HERC2: variants seen among roughly 807,000 people sequenced by gnomAD.
The protein encoded by HERC2 is E3 ubiquitin-protein ligase HERC2.
A neutral mutation model predicts 537.7 loss-of-function variants in HERC2; 102 were observed. The ratio of observed to expected loss-of-function variants is 0.19; its 90% CI spans 0.16 to 0.22. The LOEUF (loss-of-function observed/expected upper bound fraction) is 0.22. Ranked by LOEUF, HERC2 falls within the 10% of genes least tolerant of loss-of-function variation. The probability of loss-of-function intolerance (pLI) is 1.00; values close to 1 mark genes in which losing one functional copy is unlikely to be tolerated. For missense variants in HERC2, 4,236 were observed against 6,198.2 expected (o/e 0.68, Z 10.63); for synonymous variants, 2,224 against 2,466.2 (o/e 0.90, Z 2.91).
chr15:28,303,588 T>C (rs1231347536), intron 2 of HERC2, among the ~76,000 whole-genome samples: 1 of 152,180 alleles, frequency 6.6e-6, no homozygotes, highest in Admixed American at 6.5e-5. Context: ...CTGTGAAGAA[T>C]GTCATTGGTA....
chr15:28,298,195 C>T (rs202137397), intron 3 of HERC2, among the ~76,000 whole-genome samples: 2,187 of 123,386 alleles, frequency 0.018, no homozygotes, highest in Non-Finnish European at 0.025. Flanking sequence ...ACTCTGTCAC[C>T]CAGGCTGGAG....
In HERC2 at chr15:28,142,322, G is replaced by T; in HGVS notation, c.11616C>A (p.Ala3872=). 6.2e-7 allele frequency: 1 copy of T among 1,614,196 alleles called. No homozygotes were observed. Among genetic ancestry groups the T allele is most frequent in the South Asian group, 1.1e-5 (1 of 91,078 alleles). Residue 3872 remains alanine, a synonymous_variant, in exon 76 of 93, where the codon GCC becomes GCA. Transcript: ENST00000261609. The part of the protein sequence containing the change: ...LPCCAETHKW[A]WFRRYCMASR... The stretch of plus-strand genomic sequence containing the variant: ...AGGCCATGCAGTACCTCCGGAACCA[G>T]GCCCACTTGTGCGTCTCGGCACAGC...
chr15:28,129,399 G>A (rs1410128075), intron 83 of HERC2, among the ~76,000 whole-genome samples: 1 of 152,200 alleles, frequency 6.6e-6, no homozygotes, highest in Admixed American at 6.5e-5. Flanking sequence ...AGAGACTCCA[G>A]GCCCAGGGTT....
At chr15:28,301,757 A>ATATGTATGTG (rs1567140215) in intron 2 of HERC2, among the ~76,000 whole-genome samples, 1 of 115,990 alleles carries the variant, frequency 8.6e-6, no homozygotes, top group African/African-American at 3.6e-5. Flanking sequence ...ATATATATAT[A>ATATGTATGTG]TATATATATA....
intron 83 of HERC2, among the ~76,000 whole-genome samples, chr15:28,128,913 G>A (rs912970109): frequency 2.6e-5 from 4 of 152,114 alleles, no homozygotes; most frequent in Non-Finnish European, 4.4e-5. Flanking sequence ...GTTCCTCCAC[G>A]AAAGCCAGCA....
chr15:28,317,015 T>TCC (rs1318493922), intron 2 of HERC2, among the ~76,000 whole-genome samples: 5 of 152,178 alleles, frequency 3.3e-5, no homozygotes, highest in Admixed American at 2.6e-4. Context: ...GACCTCAGCC[T>TCC]CCCAAACTGC....
At chr15:28,270,996 T>C (rs1274083565) in intron 9 of HERC2, 128 bp from the exon 10 acceptor site, 5 of 715,590 alleles carry the variant, frequency 7.0e-6, no homozygotes, top group South Asian at 3.6e-5. Context: ...ATGTCAATGA[T>C]ACAGTTATAC....
At chr15:28,159,334 T>C (rs946173092) in intron 69 of HERC2, among the ~76,000 whole-genome samples, 6 of 152,356 alleles carry the variant, frequency 3.9e-5, no homozygotes, top group Middle Eastern at 3.4e-3. Context: ...CAGAGTGTTT[T>C]CCAACTTGGT....
intron 20 of HERC2, among the ~76,000 whole-genome samples, chr15:28,249,253 C>A (rs1904028487): frequency 6.6e-6 from 1 of 152,186 alleles, no homozygotes; most frequent in Non-Finnish European, 1.5e-5. Flanking sequence ...CCACCTTGAG[C>A]CCTTACTCGC....
At chr15:28,146,464 CCTCA>C in intron 70 of HERC2, 120 bp from the exon 71 acceptor site, 1 of 691,086 alleles carries the variant, frequency 1.4e-6, no homozygotes. Context: ...AAAGAACTGG[CCTCA>C]AAGACAAGCA....
chr15:28,304,733 A>C (rs1348261503), intron 2 of HERC2, among the ~76,000 whole-genome samples: 1 of 114,378 alleles, frequency 8.7e-6, no homozygotes. Context: ...TTTATACTTT[A>C]AGTTTTAGGG....
At chr15:28,129,299 C>T (rs901073715) in intron 83 of HERC2, among the ~76,000 whole-genome samples, 1 of 152,172 alleles carries the variant, frequency 6.6e-6, no homozygotes, top group Non-Finnish European at 1.5e-5. Context: ...GAGCAAGCTT[C>T]CAGAGTCCTC....
At chr15:28,220,037 G>A (rs1218544455) in intron 37 of HERC2, among the ~76,000 whole-genome samples, 1 of 152,172 alleles carries the variant, frequency 6.6e-6, no homozygotes, top group Admixed American at 6.5e-5. Flanking sequence ...GGCAGGTGGG[G>A]TGTGCTTGGG....
At chr15:28,139,482 C>T (rs897776355) in intron 78 of HERC2, among the ~76,000 whole-genome samples, 29 of 152,312 alleles carry the variant, frequency 1.9e-4, no homozygotes, top group South Asian at 8.3e-4. Context: ...AATCCTTGCT[C>T]GGACAGCCTC....
intron 64 of HERC2, among the ~76,000 whole-genome samples, chr15:28,174,897 G>A (rs1256183741): frequency 1.3e-5 from 2 of 151,956 alleles, no homozygotes; most frequent in Admixed American, 6.6e-5. Flanking sequence ...CACACAGAAG[G>A]TCCTCTCTCT....
intron 53 of HERC2, 118 bp downstream of exon 53, chr15:28,191,843 G>C (rs1375149491): frequency 2.8e-6 from 2 of 708,038 alleles, no homozygotes; most frequent in African/African-American, 3.6e-5. Context: ...AACATAACGT[G>C]AGTACTGACA....
rs1471059226 is a variant in HERC2, at chr15:28,191,151, C to T, written c.8545G>A (p.Val2849Ile). The T allele has an allele frequency of 6.2e-7, 1 of 1,611,648 alleles. No individual in the cohort carries two copies. Among genetic ancestry groups the T allele is most frequent in the East Asian group, 2.2e-5 (1 of 44,854 alleles). The change falls in exon 54 of 93, where the codon GTT (valine) becomes ATT (isoleucine). Residue 2849 changes from valine (V) to isoleucine (I), a missense_variant. Physicochemically the swap from Val to Ile is conservative, Grantham distance 29 (BLOSUM62 3). Coordinates refer to ENST00000261609, the MANE Select transcript of HERC2 (RefSeq NM_004667.6). Reference protein sequence around the residue: ...PADSSYMPSLVVVSGGNSLNN... With the variant: ...PADSSYMPSLIVVSGGNSLNN... The stretch of plus-strand genomic sequence containing the variant: ...CTAACTGAATTACCTGACACTACAA[C>T]CAGGGACGGCATGTAGCTACTGTCA...
At chr15:28,258,046 A>G (rs765211526) in intron 16 of HERC2, among the ~76,000 whole-genome samples, 1 of 152,180 alleles carries the variant, frequency 6.6e-6, no homozygotes, top group Non-Finnish European at 1.5e-5. Context: ...CTGAGACATA[A>G]AACAAATCTT....
At chr15:28,270,311 T>C (rs2075686622) in intron 10 of HERC2, among the ~76,000 whole-genome samples, 1 of 151,068 alleles carries the variant, frequency 6.6e-6, no homozygotes, top group Non-Finnish European at 1.5e-5. Flanking sequence ...ATATATAATA[T>C]ATAACATATA....
Sources: gnomAD v4.1 joint callset for allele counts (sites outside exome capture counted in the v4.1 genomes callset) on GRCh38, gnomAD v4.1.1 for gene constraint, MANE v1.5 for transcripts, NCBI Gene and HGNC (gene_info 2026-07-23, HGNC 2026-07-21) for gene names.